ZNF90: variants seen among roughly 807,000 people sequenced by gnomAD.
ZNF90 encodes the protein zinc finger protein HTF9.
Under a neutral mutation model 12.0 loss-of-function variants are expected in ZNF90, and 11 were observed. That is an observed-to-expected ratio of 0.92 (90% CI 0.58 to 1.52). ZNF90 has a LOEUF of 1.52. ZNF90 is among the 40% of genes most tolerant of loss of function. ZNF90 has a pLI of 0.00. For missense variants in ZNF90, 765 were observed against 711.5 expected (o/e 1.08, Z -0.86); for synonymous variants, 232 against 240.1 (o/e 0.97, Z 0.31).
In ZNF90 at chr19:20,118,494, A is replaced by C; in HGVS notation, c.940A>C (p.Lys314Gln). 6.2e-7 allele frequency: 1 copy of C among 1,613,804 alleles called. No individual in the cohort carries two copies. Among genetic ancestry groups the C allele is most frequent in the Non-Finnish European group, 8.5e-7 (1 of 1,179,960 alleles). ...AAGTCATACTGAAGAGAAACCCTACAAATGTGAAGAATGTGGCAAAGCCTT... is the reference window on the plus strand; with the variant it reads ...AAGTCATACTGAAGAGAAACCCTACCAATGTGAAGAATGTGGCAAAGCCTT... The part of the protein sequence containing the change: ...KISHTEEKPY[K>Q]CEECGKAFKL... Residue 314 changes from lysine (K) to glutamine (Q), a missense_variant, in exon 4 of 4, where the codon AAA (lysine) becomes CAA (glutamine). By Grantham distance (53) the Lys-to-Gln change is moderately conservative (BLOSUM62 1). Coordinates refer to ENST00000418063, the MANE Select transcript of ZNF90 (RefSeq NM_007138.2).
rs1281654192 is a variant in ZNF90, at chr19:20,121,058, T to TA, written c.*1699dup. The TA allele has an allele frequency of 5.8e-6, 1 of 173,150 alleles. No homozygotes were observed. The highest frequency in any genetic ancestry group is 1.7e-4 in the East Asian group (1 of 5,822). 10.7% of individuals were successfully genotyped at this position (173,150 alleles called of 1,614,324 possible). A position where few individuals can be genotyped will look rare whatever the true frequency, so the allele number is the denominator to read the frequency against. On this transcript the variant is annotated 3_prime_UTR_variant, in exon 4 of 4. Transcript: ENST00000418063. Reference sequence around the variant, plus strand: ...ATGTATAAGGTAGTGTTCAGAGTAATACTTTTCTACATTATAGTGAGAGAA... The same window carrying TA: ...ATGTATAAGGTAGTGTTCAGAGTAATAACTTTTCTACATTATAGTGAGAGAA...
chr19:20,110,714 T>C (rs555405576), intron 3 of ZNF90, among the ~76,000 whole-genome samples: 7 of 152,356 alleles, frequency 4.6e-5, no homozygotes, highest in Admixed American at 1.3e-4. Flanking sequence ...AAAAAATTTA[T>C]AGTGGCCATT....
chr19:20,114,473 A>G lies in ZNF90; in HGVS notation c.227-3308A>G, dbSNP rs138742125. Among the ~76,000 whole-genome samples, 241 of 152,290 alleles carry G rather than the reference A, an allele frequency of 1.6e-3. 1 individual carries two copies. The highest frequency in any genetic ancestry group is 5.6e-3 in the African/African-American group (231 of 41,562). Reference sequence around the variant, plus strand: ...GTTTCAAAGAGCATAACTGATTTATATATCTTATACAATATCTGTCTGTTT... The same window carrying G: ...GTTTCAAAGAGCATAACTGATTTATGTATCTTATACAATATCTGTCTGTTT... On this transcript the variant is annotated intron_variant, in intron 3 of 3. Coordinates refer to ENST00000418063, the MANE Select transcript of ZNF90 (RefSeq NM_007138.2).
At chr19:20,116,780 T>C (rs2089140208) in intron 3 of ZNF90, among the ~76,000 whole-genome samples, 1 of 152,082 alleles carries the variant, frequency 6.6e-6, no homozygotes, top group African/African-American at 2.4e-5. Flanking sequence ...CAGTAATCAC[T>C]TGCTGCAGCC....
chr19:20,078,231 C>T (rs2088792362), intron 1 of ZNF90, 96 bp downstream of exon 1: 3 of 1,506,606 alleles, frequency 2.0e-6, no homozygotes, highest in Non-Finnish European at 2.8e-6. Flanking sequence ...CCGCAGTCAG[C>T]TCCACAATCT....
intron 1 of ZNF90, among the ~76,000 whole-genome samples, chr19:20,083,696 C>A (rs1555701770): frequency 3.3e-5 from 5 of 152,148 alleles, no homozygotes; most frequent in African/African-American, 1.2e-4. Context: ...ATAATCATTT[C>A]TTTTAATGGC....
intron 3 of ZNF90, among the ~76,000 whole-genome samples, chr19:20,110,339 T>G (rs184527457): frequency 1.6e-4 from 24 of 152,136 alleles, no homozygotes; most frequent in African/African-American, 5.8e-4. Flanking sequence ...AGTGCAGTGG[T>G]GTGATCTTGG....
chr19:20,115,209 T>A (rs2089126453), intron 3 of ZNF90, among the ~76,000 whole-genome samples: 1 of 152,146 alleles, frequency 6.6e-6, no homozygotes, highest in Admixed American at 6.5e-5. Context: ...TGTTATTAGA[T>A]CTCAACTGAC....
At chr19:20,107,787 A>G (rs1288124431) in intron 3 of ZNF90, among the ~76,000 whole-genome samples, 1 of 152,226 alleles carries the variant, frequency 6.6e-6, no homozygotes, top group Non-Finnish European at 1.5e-5. Flanking sequence ...TTAGGACAAT[A>G]TGCCAGAATT....
rs546085624 is a variant in ZNF90, at chr19:20,118,696, C to T, written c.1142C>T (p.Ser381Phe). Residue 381 changes from serine (S) to phenylalanine (F), a missense_variant, in exon 4 of 4, where the codon TCC becomes TTC. Ser to Phe is a radical substitution (Grantham distance 155). Transcript: ENST00000418063. ...CDKCGKAFIS[S>F]SLLYKHKISH... ...AAATGTGGCAAAGCATTTATTTCAT[C>T]CTCACTCCTTTATAAACATAAGATA... 2 of 1,565,612 alleles carry T rather than the reference C, an allele frequency of 1.3e-6. No individual in the cohort carries two copies. Among genetic ancestry groups the T allele is most frequent in the Non-Finnish European group, 1.7e-6 (2 of 1,156,114 alleles).
intron 1 of ZNF90, among the ~76,000 whole-genome samples, chr19:20,092,706 G>A (rs115631778): frequency 0.055 from 8,430 of 152,152 alleles, 803 homozygotes; most frequent in African/African-American, 0.19. Flanking sequence ...GAGATTAGTC[G>A]GATACGATCG....
intron 1 of ZNF90, among the ~76,000 whole-genome samples, chr19:20,083,906 C>T (rs543890787): frequency 2.0e-5 from 3 of 152,076 alleles, no homozygotes; most frequent in African/African-American, 7.2e-5. Flanking sequence ...TGCGTTACCA[C>T]CCCTGGCCAA....
In ZNF90 at chr19:20,117,717, A is replaced by G. The variant is rs985875633; in HGVS notation, c.227-64A>G. 4 of 1,421,278 alleles carry G rather than the reference A, an allele frequency of 2.8e-6. No individual in the cohort carries two copies. In the African/African-American group the frequency reaches 5.8e-5, roughly 21 times the overall value. 88.0% of individuals were successfully genotyped at this position (1,421,278 alleles called of 1,614,324 possible). Reference sequence around the variant, plus strand: ...CCAAGATGAGGTTAATTTTGTTTGTAAATGTAACCTGTATTTATCAGAATC... The same window carrying G: ...CCAAGATGAGGTTAATTTTGTTTGTGAATGTAACCTGTATTTATCAGAATC... On this transcript the variant is annotated intron_variant, in intron 3 of 3. Coordinates refer to ENST00000418063, the MANE Select transcript of ZNF90 (RefSeq NM_007138.2).
At chr19:20,094,901 A>G (rs2088930655) in intron 1 of ZNF90, among the ~76,000 whole-genome samples, 1 of 152,196 alleles carries the variant, frequency 6.6e-6, no homozygotes, top group Non-Finnish European at 1.5e-5. Flanking sequence ...CACCTCTCTA[A>G]GAGGAAATTG....
chr19:20,101,486 G>C lies in ZNF90; in HGVS notation c.4-2753G>C, dbSNP rs2088989521. Among the ~76,000 whole-genome samples, 3 of 152,196 alleles carry C rather than the reference G, an allele frequency of 2.0e-5. No homozygotes were observed. In the South Asian group the frequency reaches 6.2e-4, roughly 31 times the overall value. ...CCCCTTAACTAAATTGCTGGTGTCT[G>C]TGCTAGAAAAGGGCACTTGAGGATG... On this transcript the variant is annotated intron_variant, in intron 1 of 3. Coordinates refer to ENST00000418063, the MANE Select transcript of ZNF90 (RefSeq NM_007138.2).
chr19:20,103,412 C>A (rs2089005899), intron 1 of ZNF90, among the ~76,000 whole-genome samples: 1 of 152,184 alleles, frequency 6.6e-6, no homozygotes, highest in Non-Finnish European at 1.5e-5. Context: ...CAACCCTCAA[C>A]TTTTTTCTCA....
At chr19:20,110,344 T>C (rs1216253340) in intron 3 of ZNF90, among the ~76,000 whole-genome samples, 3 of 152,062 alleles carry the variant, frequency 2.0e-5, no homozygotes, top group Non-Finnish European at 4.4e-5. Context: ...AGTGGTGTGA[T>C]CTTGGCTCAC....
Position 20,117,855 on chromosome 19 carries a change from A to G in ZNF90, c.301A>G (p.Thr101Ala), listed in dbSNP as rs1364423162. The change falls in exon 4 of 4, where the codon ACA becomes GCA. Residue 101 changes from threonine to alanine, a missense_variant. Transcript: ENST00000418063. ...LKDSFQKVIV[T>A]RYEKREYGNL... The stretch of plus-strand genomic sequence containing the variant: ...AGATTCCTTCCAAAAAGTGATAGTG[A>G]CAAGATATGAAAAACGTGAATATGG... The G allele has an allele frequency of 6.2e-7, 1 of 1,607,230 alleles. No individual in the cohort carries two copies. Among genetic ancestry groups the G allele is most frequent in the Non-Finnish European group, 8.5e-7 (1 of 1,176,914 alleles).
intron 1 of ZNF90, among the ~76,000 whole-genome samples, chr19:20,097,578 A>C (rs782775826): frequency 1.3e-5 from 2 of 152,232 alleles, no homozygotes; most frequent in African/African-American, 2.4e-5. Context: ...TTGAGTAGAC[A>C]TGTAGATAAG....
Sources: allele counts gnomAD v4.1 joint callset (sites outside exome capture counted in the v4.1 genomes callset), GRCh38; gene constraint gnomAD v4.1.1; transcripts MANE v1.5; gene names NCBI Gene and HGNC (gene_info 2026-07-23, HGNC 2026-07-21).